ZNF362: variants seen among roughly 807,000 people sequenced by gnomAD.
ZNF362 encodes the protein zinc finger protein 362.
In ZNF362, 11 loss-of-function variants were observed where a neutral mutation model predicts 42.9. The ratio of observed to expected loss-of-function variants is 0.26; its 90% CI spans 0.16 to 0.42. ZNF362 has a LOEUF of 0.42. Among genes scored for constraint, ZNF362 ranks in the 20% least tolerant of loss-of-function variants. The pLI is 1.00. For missense variants in ZNF362, 362 were observed against 576.2 expected, an observed-to-expected ratio of 0.63 and a Z score of 3.81; for synonymous variants, 255 against 257.3, an observed-to-expected ratio of 0.99 and a Z score of 0.09.
the ZNF362 span, among the ~76,000 whole-genome samples, chr1:33,132,585 T>C: frequency 6.6e-6 from 1 of 152,216 alleles, no homozygotes. Context: ...CTAACCTTCC[T>C]CTCCTGACTG....
the ZNF362 span, among the ~76,000 whole-genome samples, chr1:33,237,732 C>T: frequency 6.6e-6 from 1 of 152,156 alleles, no homozygotes; most frequent in Non-Finnish European, 1.5e-5. Flanking sequence ...CTGCATTTCC[C>T]AGGCCTCTTG....
rs1029585210 is a variant in ZNF362, at chr1:33,295,870, G to A, written c.1146+565G>A. ...TCTAATATTCTAGTTAACAGACCCC[G>A]TATCCCCGACATAGAGGTCACTGAG... is the stretch of plus-strand genomic sequence containing the variant. On this transcript the variant is annotated intron_variant, in intron 8 of 8. Transcript: ENST00000539719. 1.1e-4 allele frequency among the ~76,000 whole-genome samples: 17 copies of A among 152,218 alleles called. No individual in the cohort carries two copies. In the East Asian group the frequency reaches 1.6e-3, roughly 14 times the overall value.
chr1:33,177,873 C>T, the ZNF362 span, among the ~76,000 whole-genome samples: 1 of 152,140 alleles, frequency 6.6e-6, no homozygotes, highest in African/African-American at 2.4e-5. This position sits in a 1 kb window ranked among gnomAD's most constrained non-coding sequence, Gnocchi z 4.1. Flanking sequence ...TAAACATCAT[C>T]TTGTTTAATC....
At chr1:33,284,090 A>G (rs574265893) in intron 6 of ZNF362, among the ~76,000 whole-genome samples, 39 of 152,338 alleles carry the variant, frequency 2.6e-4, no homozygotes, top group Admixed American at 7.8e-4. Flanking sequence ...CCTCTGCCAG[A>G]TTGTGCCTAT....
chr1:33,225,951 T>A, the ZNF362 span, among the ~76,000 whole-genome samples: 846 of 152,310 alleles, frequency 5.6e-3, 11 homozygotes, highest in African/African-American at 0.019. Flanking sequence ...CTCTGTCTCA[T>A]TGACCAGTAA....
At chr1:33,211,417 TG>T in the ZNF362 span, among the ~76,000 whole-genome samples, 1 of 152,178 alleles carries the variant, frequency 6.6e-6, no homozygotes, top group African/African-American at 2.4e-5. Flanking sequence ...CAGGAGCTCT[TG>T]TAAGGCAGGC....
the ZNF362 span, among the ~76,000 whole-genome samples, chr1:33,215,567 G>T: frequency 6.6e-6 from 1 of 152,088 alleles, no homozygotes; most frequent in Non-Finnish European, 1.5e-5. Flanking sequence ...TGGATACCCT[G>T]ATTACCCTGA....
chr1:33,147,306 A>G, the ZNF362 span: 1 of 1,614,104 alleles, frequency 6.2e-7, no homozygotes, highest in Non-Finnish European at 8.5e-7. This position sits in a 1 kb window ranked among gnomAD's most constrained non-coding sequence, Gnocchi z 8.1. Context: ...AGGACATGTC[A>G]TCAGCATTGT....
chr1:33,201,813 A>G, the ZNF362 span, among the ~76,000 whole-genome samples: 23 of 152,234 alleles, frequency 1.5e-4, no homozygotes, highest in African/African-American at 5.5e-4. Flanking sequence ...CAGAACATCA[A>G]TGACAACAAA....
the ZNF362 span, among the ~76,000 whole-genome samples, chr1:33,249,532 G>A: frequency 6.6e-6 from 1 of 152,158 alleles, no homozygotes; most frequent in African/African-American, 2.4e-5. Flanking sequence ...CCCAGAGAAA[G>A]TGATAGAAGT....
At chr1:33,147,227 C>T in the ZNF362 span, 68 of 1,613,832 alleles carry the variant, frequency 4.2e-5, no homozygotes, top group Non-Finnish European at 5.5e-5. The surrounding 1 kb of genome is among the most constrained non-coding windows in gnomAD (Gnocchi z 8.1). Context: ...TTGCCATTGG[C>T]GTGGCTCTGG....
chr1:33,133,279 A>G, the ZNF362 span, among the ~76,000 whole-genome samples: 2 of 152,240 alleles, frequency 1.3e-5, no homozygotes, highest in African/African-American at 2.4e-5. Flanking sequence ...CCAGCTAAGC[A>G]CATTGTCCCT....
chr1:33,149,041 G>A, the ZNF362 span, among the ~76,000 whole-genome samples: 3 of 152,154 alleles, frequency 2.0e-5, no homozygotes, highest in South Asian at 2.1e-4. Context: ...CTCTCTGCTT[G>A]TTGCAACCAC....
chr1:33,191,880 G>T, the ZNF362 span, among the ~76,000 whole-genome samples: 1 of 152,182 alleles, frequency 6.6e-6, no homozygotes, highest in African/African-American at 2.4e-5. Flanking sequence ...CCTAGAAGAC[G>T]CAAGAGAATG....
chr1:33,252,596 G>C (rs574389191), upstream of ZNF362, among the ~76,000 whole-genome samples: 43 of 152,280 alleles, frequency 2.8e-4, no homozygotes, highest in Admixed American at 1.5e-3. Context: ...TGTTACTGCG[G>C]CATAGTCTGG....
At chr1:33,160,309 G>C in the ZNF362 span, among the ~76,000 whole-genome samples, 1 of 152,092 alleles carries the variant, frequency 6.6e-6, no homozygotes, top group Non-Finnish European at 1.5e-5. Flanking sequence ...TTCTGGCTTG[G>C]GGGTAGGAGG....
In ZNF362 at chr1:33,266,835, G is replaced by C. The variant is rs1175607664; in HGVS notation, c.-88-3652G>C. Among the ~76,000 whole-genome samples the C allele has an allele frequency of 6.6e-6, 1 of 152,200 alleles. No individual in the cohort carries two copies. Among genetic ancestry groups the C allele is most frequent in the Non-Finnish European group, 1.5e-5 (1 of 68,028 alleles). ...GATGCTGGAGGGATGCTGCCAAGGAGCACACCTGGTGAGATGAGTGTGGCC... is the reference window on the plus strand; with the variant it reads ...GATGCTGGAGGGATGCTGCCAAGGACCACACCTGGTGAGATGAGTGTGGCC... On this transcript the variant is annotated intron_variant, in intron 1 of 8. Transcript: ENST00000539719. The surrounding 1 kb of genome is among the most constrained non-coding windows in gnomAD (Gnocchi z 4.3).
At chr1:33,199,083 A>T in the ZNF362 span, among the ~76,000 whole-genome samples, 1 of 152,192 alleles carries the variant, frequency 6.6e-6, no homozygotes, top group East Asian at 1.9e-4. Flanking sequence ...GGAGTCCCTT[A>T]AGGAGAGAAG....
At chr1:33,223,355 T>C in the ZNF362 span, among the ~76,000 whole-genome samples, 4 of 152,352 alleles carry the variant, frequency 2.6e-5, no homozygotes, top group African/African-American at 9.6e-5. Flanking sequence ...TCTGCCATGA[T>C]TGTGAGGCCT....
Sources: allele counts gnomAD v4.1 joint callset (sites outside exome capture counted in the v4.1 genomes callset), GRCh38; gene constraint gnomAD v4.1.1; non-coding constraint Gnocchi (gnomAD v3.1); transcripts MANE v1.5; gene names NCBI Gene and HGNC (gene_info 2026-07-23, HGNC 2026-07-21).